The following ARHGAP10 variants were observed in gnomAD, a reference collection of about 807,000 sequenced individuals.
ARHGAP10 encodes the protein rho GTPase-activating protein 10.
Under a neutral mutation model 108.6 loss-of-function variants are expected in ARHGAP10, and 87 were observed. That is an observed-to-expected ratio of 0.80 (90% confidence interval 0.67 to 0.96). The LOEUF is 0.96. Ranked by LOEUF, ARHGAP10 falls within the 40% of genes least tolerant of loss-of-function variation. ARHGAP10 has a pLI of 0.00. For missense variants in ARHGAP10, 939 were observed against 954.5 expected (o/e 0.98, Z 0.21); for synonymous variants, 347 against 341.1 (o/e 1.02, Z -0.19).
rs748262182 is a variant in ARHGAP10 at position 148,047,070 on chromosome 4, G to A, written c.2027+19G>A. The A allele has an allele frequency of 3.1e-6, 5 of 1,613,494 alleles. No homozygotes were observed. Among genetic ancestry groups the A allele is most frequent in the East Asian group, 4.5e-5 (2 of 44,880 alleles). On this transcript the variant is annotated intron_variant, in intron 20 of 22. Coordinates refer to ENST00000336498, the MANE Select transcript of ARHGAP10 (RefSeq NM_024605.4). The stretch of plus-strand genomic sequence containing the variant: ...CCACTATGTAAGTAACCGTGCTTCT[G>A]TTGGGTGCTGAAGGGTGGAAGCCCT...
chr4:147,750,236 C>T (rs1272396062), intron 1 of ARHGAP10, among the ~76,000 whole-genome samples: 1 of 151,880 alleles, frequency 6.6e-6, no homozygotes, highest in Non-Finnish European at 1.5e-5. Context: ...GGGAGTTGTA[C>T]CATGGTGGAA....
At chr4:147,913,244 T>G (rs923256257) in intron 13 of ARHGAP10, 105 bp downstream of exon 13, 2 of 964,740 alleles carry the variant, frequency 2.1e-6, no homozygotes, top group Non-Finnish European at 3.3e-6. Context: ...TGAAACGTGT[T>G]AACACAAATG....
intron 18 of ARHGAP10, among the ~76,000 whole-genome samples, chr4:147,973,015 A>C (rs1296886908): frequency 6.6e-6 from 1 of 152,178 alleles, no homozygotes; most frequent in Middle Eastern, 3.4e-3. Flanking sequence ...TTGGTTTCCT[A>C]AAGTGCTGGG....
chr4:147,808,223 C>G (rs967449007), intron 1 of ARHGAP10, among the ~76,000 whole-genome samples: 3 of 151,764 alleles, frequency 2.0e-5, no homozygotes, highest in Admixed American at 6.6e-5. Flanking sequence ...CAGGGGGTTT[C>G]TTATGCAGGT....
intron 1 of ARHGAP10, among the ~76,000 whole-genome samples, chr4:147,815,700 T>TA (rs1369164759): frequency 7.2e-6 from 1 of 138,130 alleles, no homozygotes; most frequent in Non-Finnish European, 1.5e-5. Flanking sequence ...CTACAAAAAA[T>TA]AAAAAAATAG....
intron 20 of ARHGAP10, among the ~76,000 whole-genome samples, chr4:148,060,872 C>CA (rs1322628769): frequency 6.6e-6 from 1 of 151,446 alleles, no homozygotes; most frequent in Non-Finnish European, 1.5e-5. Flanking sequence ...AGAAAGATCA[C>CA]AAAAAAACAA....
intron 1 of ARHGAP10, among the ~76,000 whole-genome samples, chr4:147,798,765 CTCTCTCTCTCTCTCTCTA>C (rs1241732268): frequency 4.5e-4 from 4 of 8,814 alleles, no homozygotes; most frequent in East Asian, 0.022. Flanking sequence ...CTCTCTCTCT[CTCTCTCTCTCTCTCTCTA>C]TATATATATA....
At chr4:147,830,600 A>G (rs527919549) in intron 3 of ARHGAP10, among the ~76,000 whole-genome samples, 7 of 145,120 alleles carry the variant, frequency 4.8e-5, no homozygotes, top group Non-Finnish European at 7.4e-5. Flanking sequence ...GCTCACTGCA[A>G]CCTCTGCCTC....
At chr4:148,024,001 C>T (rs1004084423) in intron 19 of ARHGAP10, among the ~76,000 whole-genome samples, 1 of 152,250 alleles carries the variant, frequency 6.6e-6, no homozygotes, top group African/African-American at 2.4e-5. Flanking sequence ...TTCAGCTAAT[C>T]GTTGCCACGT....
intron 19 of ARHGAP10, among the ~76,000 whole-genome samples, chr4:148,045,914 T>C (rs1459162533): frequency 6.6e-5 from 10 of 152,194 alleles, no homozygotes; most frequent in Non-Finnish European, 1.2e-4. Flanking sequence ...CCTCTATGTG[T>C]GTCACATTTG....
At chr4:147,889,670 TTC>T (rs869276066) in intron 10 of ARHGAP10, among the ~76,000 whole-genome samples, 1 of 25,610 alleles carries the variant, frequency 3.9e-5, no homozygotes, top group Non-Finnish European at 2.0e-3. Flanking sequence ...ATACTTTGTC[TTC>T]TTTACAAGTA....
intron 1 of ARHGAP10, among the ~76,000 whole-genome samples, chr4:147,751,368 GT>G (rs1379231652): frequency 5.1e-4 from 73 of 142,114 alleles, no homozygotes; most frequent in Non-Finnish European, 5.6e-4. Context: ...AATAGTTGTT[GT>G]TTTTTTTTTT....
intron 19 of ARHGAP10, among the ~76,000 whole-genome samples, chr4:148,043,445 C>T (rs768309855): frequency 4.6e-5 from 7 of 151,310 alleles, no homozygotes; most frequent in Non-Finnish European, 8.8e-5. Flanking sequence ...GTGTATCTGA[C>T]TTTAATTCTC....
intron 4 of ARHGAP10, among the ~76,000 whole-genome samples, chr4:147,855,422 A>C (rs184601220): frequency 6.6e-5 from 10 of 152,250 alleles, no homozygotes; most frequent in Middle Eastern, 3.2e-3. Context: ...TAACTATGTA[A>C]TATCAATACA....
At chr4:147,992,052 T>G (rs535610829) in intron 18 of ARHGAP10, among the ~76,000 whole-genome samples, 11 of 152,322 alleles carry the variant, frequency 7.2e-5, no homozygotes, top group African/African-American at 2.4e-4. Flanking sequence ...TTAAGGAAAT[T>G]ACAAGCCATG....
rs537198347 is a variant in ARHGAP10, at chr4:147,879,422, A to G, written c.939+84A>G. ...TGTCATTTTAATGGTTTATATTTTA[A>G]TGGTTTATATTCATGGATGGTAAAT... On this transcript the variant is annotated intron_variant, in intron 9 of 22. Transcript: ENST00000336498. 1.7e-4 allele frequency: 199 copies of G among 1,162,338 alleles called. 2 individuals carry two copies. In the African/African-American group the frequency reaches 2.0e-3, roughly 12 times the overall value. The allele number at this position is 1,162,338 out of a possible 1,614,324, so 72.0% of individuals were successfully genotyped here.
At chr4:147,816,697 G>T (rs1732262173) in intron 1 of ARHGAP10, among the ~76,000 whole-genome samples, 1 of 152,124 alleles carries the variant, frequency 6.6e-6, no homozygotes, top group Non-Finnish European at 1.5e-5. Context: ...TTAGTTATTT[G>T]CTTTATTTTT....
intron 1 of ARHGAP10, among the ~76,000 whole-genome samples, chr4:147,767,167 C>A (rs562539090): frequency 6.6e-6 from 1 of 151,988 alleles, no homozygotes; most frequent in South Asian, 2.1e-4. Context: ...TATGTTAAAG[C>A]AAATCCAGCA....
intron 20 of ARHGAP10, among the ~76,000 whole-genome samples, chr4:148,060,076 G>A (rs1729545828): frequency 6.6e-6 from 1 of 152,058 alleles, no homozygotes; most frequent in Non-Finnish European, 1.5e-5. Flanking sequence ...TTCTCTCTTG[G>A]AACCCAGGTT....
Sources: gnomAD v4.1 joint callset for allele counts (sites outside exome capture counted in the v4.1 genomes callset) on GRCh38, gnomAD v4.1.1 for gene constraint, MANE v1.5 for transcripts, NCBI Gene and HGNC (gene_info 2026-07-23, HGNC 2026-07-21) for gene names.